The following TIAM1 variants were observed in gnomAD, a reference collection of about 807,000 sequenced individuals.
The protein encoded by TIAM1 is rho guanine nucleotide exchange factor TIAM1.
Under a neutral mutation model 163.5 loss-of-function variants are expected in TIAM1, and 65 were observed. The observed-to-expected ratio is 0.40, with a 90% CI of 0.33 to 0.49. The LOEUF (loss-of-function observed/expected upper bound fraction) is 0.49. TIAM1 is among the 20% of genes least tolerant of loss of function. TIAM1 has a pLI of 0.77. For missense variants in TIAM1, 1,789 were observed against 2,044.7 expected (o/e 0.87, Z 2.41); for synonymous variants, 833 against 810.1 (o/e 1.03, Z -0.48).
At chr21:31,543,979 G>A (rs1246537062) in intron 1 of TIAM1, among the ~76,000 whole-genome samples, 5 of 152,182 alleles carry the variant, frequency 3.3e-5, no homozygotes, top group East Asian at 1.9e-4. Flanking sequence ...GGGAGGCCAA[G>A]GTGGGCAGAT....
rs1308341508 is a variant in TIAM1 at position 31,168,447 on chromosome 21, C to T, written c.2888-3382G>A. Among the ~76,000 whole-genome samples the T allele has an allele frequency of 2.0e-5, 3 of 152,152 alleles. No individual in the cohort carries two copies. The East Asian group carries it at 5.8e-4, about 29-fold the overall frequency. The stretch of plus-strand genomic sequence containing the variant: ...ATGGAGTCTCGCTCTGTGGCCCAGG[C>T]TGGAGTGCAGTGGCGCAATCTCGGC... On this transcript the variant is annotated intron_variant, in intron 15 of 27. Coordinates refer to ENST00000541036, the MANE Select transcript of TIAM1 (RefSeq NM_001353694.2).
intron 16 of TIAM1, among the ~76,000 whole-genome samples, chr21:31,156,444 C>G (rs1012367075): frequency 1.3e-5 from 2 of 152,070 alleles, no homozygotes; most frequent in African/African-American, 4.8e-5. Flanking sequence ...GGGCTCAGCT[C>G]TATGGTATGT....
At chr21:31,286,472 C>T (rs1283939813) in intron 2 of TIAM1, among the ~76,000 whole-genome samples, 1 of 151,942 alleles carries the variant, frequency 6.6e-6, no homozygotes, top group East Asian at 1.9e-4. Context: ...CTTTGGGAAG[C>T]CGAAACAGGA....
intron 2 of TIAM1, among the ~76,000 whole-genome samples, chr21:31,450,305 C>G (rs768445963): frequency 6.6e-6 from 1 of 152,140 alleles, no homozygotes; most frequent in African/African-American, 2.4e-5. Context: ...GAAGCACGTC[C>G]GAGATGTTTT....
At chr21:31,359,557 G>A (rs1044674396) in intron 2 of TIAM1, among the ~76,000 whole-genome samples, 4 of 152,106 alleles carry the variant, frequency 2.6e-5, no homozygotes, top group African/African-American at 7.2e-5. Context: ...CACTTTGGGA[G>A]GCCGAGGCAG....
At chr21:31,458,226 C>A (rs1185683273) in intron 2 of TIAM1, among the ~76,000 whole-genome samples, 1 of 152,110 alleles carries the variant, frequency 6.6e-6, no homozygotes, top group Non-Finnish European at 1.5e-5. Context: ...TCAAGACCAG[C>A]CTAGCCAACA....
intron 15 of TIAM1, among the ~76,000 whole-genome samples, chr21:31,175,438 T>TC (rs1265850442): frequency 2.0e-5 from 3 of 152,230 alleles, no homozygotes; most frequent in African/African-American, 7.2e-5. Context: ...ACTAATGGTG[T>TC]CACTTCAACT....
At chr21:31,320,267 CAG>C (rs948282557) in intron 2 of TIAM1, among the ~76,000 whole-genome samples, 3 of 151,990 alleles carry the variant, frequency 2.0e-5, no homozygotes, top group African/African-American at 7.3e-5. Flanking sequence ...AATTCATAAA[CAG>C]AAAGTAGAAT....
intron 2 of TIAM1, among the ~76,000 whole-genome samples, chr21:31,457,572 A>G (rs1175319794): frequency 1.3e-5 from 2 of 152,238 alleles, no homozygotes; most frequent in African/African-American, 4.8e-5. Context: ...AAAGGAACGG[A>G]GACCACAAAT....
chr21:31,429,812 G>A (rs749958066), intron 2 of TIAM1, among the ~76,000 whole-genome samples: 9 of 28,424 alleles, frequency 3.2e-4, no homozygotes, highest in South Asian at 3.6e-3. Context: ...GGGCTCCACC[G>A]CGAACTGGCT....
At chr21:31,521,165 T>A (rs967332622) in intron 1 of TIAM1, among the ~76,000 whole-genome samples, 1 of 152,176 alleles carries the variant, frequency 6.6e-6, no homozygotes, top group African/African-American at 2.4e-5. Context: ...TCCGCCACCT[T>A]CTCTAAAAAG....
At chr21:31,528,950 GAGTCTC>G (rs200809763) in intron 1 of TIAM1, among the ~76,000 whole-genome samples, 1,088 of 70,642 alleles carry the variant, frequency 0.015, 40 homozygotes, top group Admixed American at 0.12. Flanking sequence ...TTTTGAGACA[GAGTCTC>G]AGTCGCCCAG....
rs573967790 is a variant in TIAM1, at chr21:31,322,923, G to C, written c.-189+16320C>G. ...CGCAGGTGAGACAAAGCGCCCCTCAGGGAACTCGGTTCCTTGGTGGAGTCC... is the reference window on the plus strand; with the variant it reads ...CGCAGGTGAGACAAAGCGCCCCTCACGGAACTCGGTTCCTTGGTGGAGTCC... On this transcript the variant is annotated intron_variant, in intron 2 of 27. Coordinates refer to ENST00000541036, the MANE Select transcript of TIAM1 (RefSeq NM_001353694.2). Among the ~76,000 whole-genome samples the C allele has an allele frequency of 1.2e-3, 184 of 152,322 alleles. No homozygotes were observed. In the Middle Eastern group the frequency reaches 0.014, roughly 11 times the overall value.
At chr21:31,273,577 C>T (rs866532995) in intron 3 of TIAM1, among the ~76,000 whole-genome samples, 8 of 152,224 alleles carry the variant, frequency 5.3e-5, no homozygotes, top group African/African-American at 1.9e-4. Context: ...TGAGACAGCA[C>T]TTACAATCTG....
At chr21:31,523,163 T>G (rs2047663020) in intron 1 of TIAM1, among the ~76,000 whole-genome samples, 1 of 152,134 alleles carries the variant, frequency 6.6e-6, no homozygotes, top group Admixed American at 6.5e-5. Context: ...AACATGTAAG[T>G]TATGTTTATT....
rs190347824 is a variant in TIAM1, at chr21:31,482,563, C to T, written c.-421-18528G>A. Among the ~76,000 whole-genome samples the T allele has an allele frequency of 1.3e-3, 200 of 152,320 alleles. 2 individuals are homozygous for T. Among genetic ancestry groups the T allele is most frequent in the African/African-American group, 4.5e-3 (189 of 41,574 alleles). ...AATCAAGAAAGGGCTTATTTTCTGG[C>T]TCTGAGGCAGTACCAGTTTGTTTTG... On this transcript the variant is annotated intron_variant, in intron 1 of 28. Transcript: ENST00000286827.
intron 2 of TIAM1, among the ~76,000 whole-genome samples, chr21:31,281,856 G>T (rs1341947472): frequency 6.6e-6 from 1 of 152,042 alleles, no homozygotes; most frequent in Non-Finnish European, 1.5e-5. Context: ...ATAATTGATG[G>T]GTGGTAGGTG....
intron 14 of TIAM1, among the ~76,000 whole-genome samples, chr21:31,184,357 T>C (rs543816781): frequency 1.1e-3 from 168 of 152,262 alleles, no homozygotes; most frequent in Non-Finnish European, 2.0e-3. Flanking sequence ...CCGCCCACCT[T>C]GGCCTCCCAA....
chr21:31,350,632 T>C (rs1463167579), intron 2 of TIAM1, among the ~76,000 whole-genome samples: 1 of 152,192 alleles, frequency 6.6e-6, no homozygotes, highest in Non-Finnish European at 1.5e-5. Context: ...TTGCTCCTGC[T>C]CTGGCACGTG....
Sources: allele counts gnomAD v4.1 joint callset (sites outside exome capture counted in the v4.1 genomes callset), GRCh38; gene constraint gnomAD v4.1.1; transcripts MANE v1.5; gene names NCBI Gene and HGNC (gene_info 2026-07-23, HGNC 2026-07-21).